Variants in TDO2 observed in about 807,000 individuals in gnomAD.
TDO2 encodes tryptamin 2,3-dioxygenase.
In TDO2, 63 loss-of-function variants were observed where a neutral mutation model predicts 61.2. That is an observed-to-expected ratio of 1.03 (90% CI 0.84 to 1.27). TDO2 has a LOEUF of 1.27. TDO2 is among the 50% of genes most tolerant of loss of function. The pLI is 0.00. For missense variants in TDO2, 494 were observed against 469.5 expected, an observed-to-expected ratio of 1.05 and a Z score of -0.48; for synonymous variants, 183 against 164.0, an observed-to-expected ratio of 1.12 and a Z score of -0.89.
chr4:155,910,127 A>T lies in TDO2; in HGVS notation c.534A>T (p.Arg178Ser). The T allele has an allele frequency of 6.2e-7, 1 of 1,600,426 alleles. No homozygotes were observed. Among genetic ancestry groups the T allele is most frequent in the Non-Finnish European group, 8.5e-7 (1 of 1,175,540 alleles). The change falls in exon 6 of 12, where the codon AGA (arginine) becomes AGT (serine). Residue 178 changes from arginine (R) to serine (S), a missense_variant. By Grantham distance (110) the Arg-to-Ser change is moderately radical. Transcript: ENST00000536354. ...LQNMRVPYNR[R>S]HYRDNFKGEE... ...ACATGAGAGTCCCTTATAACAGAAG[A>T]CATTATCGTGATAACTTCAAAGGAG...
rs1350348365 is a variant in TDO2 at position 155,914,387 on chromosome 4, T to C, written c.791T>C (p.Leu264Pro). The stretch of plus-strand genomic sequence containing the variant: ...GAATTTCAGAAGCAAAAAGAGGTGC[T>C]ACTGTCCTTATTTGATGAGAAACGT... ...VAEFQKQKEVLLSLFDEKRHE... is the reference protein window; with the variant it reads ...VAEFQKQKEVPLSLFDEKRHE... The change falls in exon 8 of 12, where the codon CTA (leucine) becomes CCA (proline). Residue 264 changes from leucine (L) to proline (P), a missense_variant. Physicochemically the swap from Leu to Pro is moderately conservative, Grantham distance 98. Coordinates refer to ENST00000536354, the MANE Select transcript of TDO2 (RefSeq NM_005651.4). 6.2e-7 allele frequency: 1 copy of C among 1,605,946 alleles called. No homozygotes were observed.
chr4:155,911,376 A>C, intron 6 of TDO2, 121 bp from the exon 7 acceptor site: 1 of 570,228 alleles, frequency 1.8e-6, no homozygotes, highest in South Asian at 3.4e-5. Context: ...TACAAATAAA[A>C]CTTGTAGCAT....
At chr4:155,904,810 T>C (rs1198639475) in intron 2 of TDO2, among the ~76,000 whole-genome samples, 2 of 152,176 alleles carry the variant, frequency 1.3e-5, no homozygotes, top group Non-Finnish European at 2.9e-5. Context: ...TGAAAAGGGA[T>C]ATGATGTCTC....
chr4:155,918,414 TTTAA>T (rs1445679886), intron 11 of TDO2, among the ~76,000 whole-genome samples, 175 bp downstream of exon 11: 1 of 152,236 alleles, frequency 6.6e-6, no homozygotes, highest in East Asian at 1.9e-4. Flanking sequence ...TTATAAAATC[TTTAA>T]TTATGAACTT....
Position 155,907,651 on chromosome 4 carries a change from A to G in TDO2, c.233-71A>G, listed in dbSNP as rs952958501. ...TAATTTCTCTTTCAACATGTTAAAC[A>G]TATCTTTCATATAATAATGGCCAAA... On this transcript the variant is annotated intron_variant, in intron 3 of 11. Transcript: ENST00000536354. 4.2e-6 allele frequency: 4 copies of G among 941,414 alleles called. No homozygotes were observed. The African/African-American group carries it at 5.0e-5, about 12-fold the overall frequency. The allele number at this position is 941,414 out of a possible 1,614,324, so 58.3% of individuals were successfully genotyped here.
At chr4:155,909,475 A>G (rs530772765) in intron 5 of TDO2, among the ~76,000 whole-genome samples, 2 of 152,194 alleles carry the variant, frequency 1.3e-5, no homozygotes, top group South Asian at 4.1e-4. Flanking sequence ...AAATGTGAGA[A>G]GAAAAAAGTT....
At position 155,910,020 on chromosome 4, in the gene TDO2, C is replaced by A; in HGVS notation, c.432-5C>A. The A allele has an allele frequency of 6.6e-7, 1 of 1,519,290 alleles. No homozygotes were observed. The highest frequency in any genetic ancestry group is 8.8e-7 in the Non-Finnish European group (1 of 1,139,394). 94.1% of individuals were successfully genotyped at this position (1,519,290 alleles called of 1,614,324 possible). ...TGCCTTTCCTTCCACCATTTAATCT[C>A]AAAGAGAGTACTTATCTCCAGCATC... On this transcript the variant is annotated splice_region_variant and splice_polypyrimidine_tract_variant and intron_variant, in intron 5 of 11. Transcript: ENST00000536354.
chr4:155,919,983 CA>C lies in TDO2; in HGVS notation c.1215del (p.Asp406IlefsTer25). On this transcript the variant is annotated frameshift_variant, in exon 12 of 12. Transcript: ENST00000536354. LOFTEE classifies it high-confidence loss of function. ...AGCTCCTACTTCAGCAGTGATGAAT[CA>C]GATTAAAATCGTCTGCAAAATCTAT... ...CDSSYFSSDE[S>X]D 3 of 1,612,672 alleles carry C rather than the reference CA, an allele frequency of 1.9e-6. No individual in the cohort carries two copies. The highest frequency in any genetic ancestry group is 2.5e-6 in the Non-Finnish European group (3 of 1,179,520).
Position 155,908,997 on chromosome 4 carries a change from G to A in TDO2, c.414G>A (p.Leu138=). Residue 138 remains leucine (L), a synonymous_variant, in exon 5 of 12, where the codon TTG becomes TTA. Transcript: ENST00000536354. The part of the protein sequence containing the change: ...QFSILETMTA[L]DFNDFREYLS... ...CCATTCTGGAGACGATGACAGCCTT[G>A]GACTTCAATGACTTCAGGTGTGCAC... The A allele has an allele frequency of 6.2e-7, 1 of 1,610,890 alleles. No homozygotes were observed. Among genetic ancestry groups the A allele is most frequent in the Non-Finnish European group, 8.5e-7 (1 of 1,179,102 alleles).
At chr4:155,909,407 C>A (rs1304623782) in intron 5 of TDO2, among the ~76,000 whole-genome samples, 1 of 151,964 alleles carries the variant, frequency 6.6e-6, no homozygotes, top group African/African-American at 2.4e-5. Context: ...TGGATTAAAC[C>A]ATAAATTTTA....
chr4:155,918,108 G>A (rs1742975535), intron 10 of TDO2, 41 bp from the exon 11 acceptor site: 1 of 1,584,854 alleles, frequency 6.3e-7, no homozygotes, highest in Non-Finnish European at 8.6e-7. Context: ...GGAACTAATG[G>A]TGGAAAAATA....
rs550905653 is a variant in TDO2 at position 155,911,508 on chromosome 4, A to G, written c.630A>G (p.Glu210=). The change falls in exon 7 of 12, where the codon GAA becomes GAG. Residue 210 remains glutamate (E), a synonymous_variant. Coordinates refer to ENST00000536354, the MANE Select transcript of TDO2 (RefSeq NM_005651.4). The part of the protein sequence containing the change: ...TLLELVEAWL[E]RTPGLEPHGF... ...AATGTTTATTTAAGGCATGGCTGGA[A>G]AGAACTCCAGGTTTAGAGCCACATG... The G allele has an allele frequency of 3.7e-6, 6 of 1,605,214 alleles. No individual in the cohort carries two copies. In the African/African-American group the frequency reaches 8.0e-5, roughly 21 times the overall value.
chr4:155,905,145 A>T lies in TDO2; in HGVS notation c.220A>T (p.Ile74Leu). 6.3e-7 allele frequency: 1 copy of T among 1,591,630 alleles called. No homozygotes were observed. Among genetic ancestry groups the T allele is most frequent in the Non-Finnish European group, 8.5e-7 (1 of 1,169,738 alleles). Residue 74 changes from isoleucine (I) to leucine (L), a missense_variant, in exon 3 of 12, where the codon ATA becomes TTA. Coordinates refer to ENST00000536354, the MANE Select transcript of TDO2 (RefSeq NM_005651.4). ...AATCCATGATGAACATCTTTTTATC[A>T]TAACTCATCAAGGTAAGTTGCACAA... is the stretch of plus-strand genomic sequence containing the variant. ...NKIHDEHLFI[I>L]THQAYELWFK...
intron 10 of TDO2, 115 bp from the exon 11 acceptor site, chr4:155,918,034 G>A: frequency 1.0e-6 from 1 of 995,806 alleles, no homozygotes; most frequent in South Asian, 1.6e-5. Context: ...ATGGCCAAGT[G>A]TTAGTTGTCA....
chr4:155,910,665 C>T (rs1742813162), intron 6 of TDO2, among the ~76,000 whole-genome samples: 2 of 152,154 alleles, frequency 1.3e-5, no homozygotes, highest in South Asian at 4.1e-4. Flanking sequence ...ATCCAAATTC[C>T]CTAAAGGTCT....
intron 11 of TDO2, among the ~76,000 whole-genome samples, chr4:155,918,648 C>G (rs953271546): frequency 6.6e-6 from 1 of 152,148 alleles, no homozygotes; most frequent in African/African-American, 2.4e-5. Context: ...TCTGATATGG[C>G]TATTTTATAT....
At position 155,918,178 on chromosome 4, in the gene TDO2, C is replaced by G. The variant is rs772941539; in HGVS notation, c.1006C>G (p.Leu336Val). 6.8e-6 allele frequency: 11 copies of G among 1,614,064 alleles called. No individual in the cohort carries two copies. The highest frequency in any genetic ancestry group is 1.7e-5 in the Admixed American group (1 of 60,018). The change falls in exon 11 of 12, where the codon CTG (leucine) becomes GTG (valine). Residue 336 changes from leucine to valine, a missense_variant. Physicochemically the swap from Leu to Val is conservative, Grantham distance 32. Coordinates refer to ENST00000536354, the MANE Select transcript of TDO2 (RefSeq NM_005651.4). The stretch of plus-strand genomic sequence containing the variant: ...CCATGTGTGCATGGTGCACAGAATG[C>G]TGGGCAGCAAAGCTGGCACCGGTGG... ...YNHVCMVHRM[L>V]GSKAGTGGSS...
chr4:155,914,390 T>C lies in TDO2; in HGVS notation c.794T>C (p.Leu265Pro), dbSNP rs772442907. The change falls in exon 8 of 12, where the codon CTG becomes CCG. Residue 265 changes from leucine (L) to proline (P), a missense_variant. Leu to Pro is a moderately conservative substitution (Grantham distance 98). Transcript: ENST00000536354. Reference sequence around the variant, plus strand: ...TTTCAGAAGCAAAAAGAGGTGCTACTGTCCTTATTTGATGAGAAACGTCAT... The same window carrying C: ...TTTCAGAAGCAAAAAGAGGTGCTACCGTCCTTATTTGATGAGAAACGTCAT... ...AEFQKQKEVL[L>P]SLFDEKRHEH... 6.2e-7 allele frequency: 1 copy of C among 1,603,712 alleles called. No homozygotes were observed. The highest frequency in any genetic ancestry group is 1.8e-5 in the Admixed American group (1 of 56,662).
At chr4:155,918,405 T>C (rs563978814) in intron 11 of TDO2, among the ~76,000 whole-genome samples, 166 bp downstream of exon 11, 1 of 152,378 alleles carries the variant, frequency 6.6e-6, no homozygotes, top group African/African-American at 2.4e-5. Flanking sequence ...GTGGTAATTT[T>C]ATAAAATCTT....
Sources: gnomAD v4.1 joint callset for allele counts (sites outside exome capture counted in the v4.1 genomes callset) on GRCh38, gnomAD v4.1.1 for gene constraint, MANE v1.5 for transcripts, NCBI Gene and HGNC (gene_info 2026-07-23, HGNC 2026-07-21) for gene names.